The following MINDY4B variants were observed in gnomAD, a reference collection of about 807,000 sequenced individuals.
The protein encoded by MINDY4B is inactive ubiquitin carboxyl-terminal hydrolase MINDY-4B.
MINDY4B carries 25 observed loss-of-function variants against 16.7 expected under a neutral mutation model. The ratio of observed to expected loss-of-function variants is 1.49; its 90% CI spans 1.09 to 2.09. MINDY4B has a LOEUF of 2.09. MINDY4B is among the 30% of genes most tolerant of loss of function. The pLI, the probability that MINDY4B is intolerant of heterozygous loss-of-function variation, is 0.00. For missense variants in MINDY4B, 327 were observed against 168.4 expected (o/e 1.94, Z -5.21); for synonymous variants, 132 against 61.9 (o/e 2.13, Z -5.32).
chr3:150,875,820 G>C (rs1711496344), intron 10 of MINDY4B, among the ~76,000 whole-genome samples: 1 of 152,174 alleles, frequency 6.6e-6, no homozygotes, highest in Admixed American at 6.5e-5. Context: ...CGAGCCTTAA[G>C]ATTACAGTTG....
At chr3:150,902,659 C>G (rs1214964263) in intron 3 of MINDY4B, among the ~76,000 whole-genome samples, 1 of 152,222 alleles carries the variant, frequency 6.6e-6, no homozygotes, top group African/African-American at 2.4e-5. Flanking sequence ...CAGCCCCTTG[C>G]CCCCACCCTG....
chr3:150,894,680 T>G (rs1711913205), intron 3 of MINDY4B, among the ~76,000 whole-genome samples: 1 of 152,214 alleles, frequency 6.6e-6, no homozygotes, highest in South Asian at 2.1e-4. Flanking sequence ...ACAGTAGCGA[T>G]TTAAACAAGC....
intron 3 of MINDY4B, among the ~76,000 whole-genome samples, chr3:150,902,581 C>T (rs1210160674): frequency 6.6e-6 from 1 of 152,222 alleles, no homozygotes; most frequent in African/African-American, 2.4e-5. Context: ...CAAGGCACTA[C>T]CTCCAGCTTT....
chr3:150,883,112 CTTAA>C (rs1484115119), intron 9 of MINDY4B, 54 bp from the exon 10 acceptor site: 8 of 557,310 alleles, frequency 1.4e-5, no homozygotes, highest in Non-Finnish European at 2.6e-5. Flanking sequence ...GAAACAATAA[CTTAA>C]TTTTTTCTCT....
intron 2 of MINDY4B, 149 bp from the exon 3 acceptor site, chr3:150,903,565 T>A (rs1410924488): frequency 2.5e-6 from 1 of 395,686 alleles, no homozygotes; most frequent in African/African-American, 2.1e-5. Context: ...TAAATAGCAA[T>A]AAAAGAGGCA....
chr3:150,888,335 A>T (rs1375089495), intron 7 of MINDY4B, among the ~76,000 whole-genome samples: 1 of 152,138 alleles, frequency 6.6e-6, no homozygotes, highest in Non-Finnish European at 1.5e-5. Context: ...GTCTGGCCTC[A>T]TCTCAACTTG....
chr3:150,900,107 G>T (rs936091924), intron 3 of MINDY4B, among the ~76,000 whole-genome samples: 3 of 152,194 alleles, frequency 2.0e-5, no homozygotes, highest in African/African-American at 4.8e-5. Flanking sequence ...GCCTGGAGGC[G>T]ATGCTCACCT....
chr3:150,889,504 C>A (rs942148458), intron 7 of MINDY4B, among the ~76,000 whole-genome samples: 1 of 152,216 alleles, frequency 6.6e-6, no homozygotes, highest in African/African-American at 2.4e-5. Flanking sequence ...TGACTAACAA[C>A]CTTAATATCC....
chr3:150,897,599 G>A (rs900719830), intron 3 of MINDY4B, among the ~76,000 whole-genome samples: 2 of 152,130 alleles, frequency 1.3e-5, no homozygotes, highest in Non-Finnish European at 2.9e-5. Context: ...CGTGGGAGAA[G>A]CATGCATCTG....
chr3:150,901,988 C>T (rs572313578), intron 3 of MINDY4B, among the ~76,000 whole-genome samples: 3 of 152,164 alleles, frequency 2.0e-5, no homozygotes, highest in East Asian at 3.9e-4. Flanking sequence ...TGTCCTGTCT[C>T]GGGGAGCTTA....
At chr3:150,890,556 A>G (rs758319372) in intron 6 of MINDY4B, 171 bp from the exon 7 acceptor site, 18 of 490,058 alleles carry the variant, frequency 3.7e-5, no homozygotes, top group African/African-American at 7.7e-5. Context: ...AAACAGTGCA[A>G]CTGGGTAGCT....
At position 150,891,455 on chromosome 3, in the gene MINDY4B, G is replaced by A. The variant is rs560871937; in HGVS notation, c.522-352C>T. 7.0e-4 allele frequency among the ~76,000 whole-genome samples: 106 copies of A among 151,870 alleles called. No individual in the cohort carries two copies. In the South Asian group the frequency reaches 0.02, roughly 29 times the overall value. On this transcript the variant is annotated intron_variant, in intron 5 of 11. Coordinates refer to ENST00000465419, the MANE Select transcript of MINDY4B (RefSeq NM_001351281.2). ...ATTTATACAATCCGTCTAGCTCTGT[G>A]GTGATACAGAAATGAGTAACAAAAG... is the stretch of plus-strand genomic sequence containing the variant.
intron 10 of MINDY4B, among the ~76,000 whole-genome samples, chr3:150,882,024 G>T (rs970375285): frequency 6.6e-6 from 1 of 152,182 alleles, no homozygotes; most frequent in Non-Finnish European, 1.5e-5. Context: ...GCGAGGCCTT[G>T]TTTGCTGTTG....
chr3:150,901,100 G>A (rs766090117), intron 3 of MINDY4B: 4 of 152,160 alleles, frequency 2.6e-5, no homozygotes, highest in Non-Finnish European at 5.9e-5. Flanking sequence ...ATAAAAGGTA[G>A]CCTATTTTTC....
intron 5 of MINDY4B, among the ~76,000 whole-genome samples, chr3:150,891,420 C>T (rs964504435): frequency 6.6e-6 from 1 of 152,156 alleles, no homozygotes; most frequent in Non-Finnish European, 1.5e-5. Context: ...TATTAATTAA[C>T]TCAGCAATGA....
chr3:150,877,972 A>G (rs1191081900), intron 10 of MINDY4B, among the ~76,000 whole-genome samples: 3 of 152,168 alleles, frequency 2.0e-5, no homozygotes, highest in African/African-American at 4.8e-5. Flanking sequence ...TTGAATGTAG[A>G]TAGAACTCGG....
At chr3:150,881,647 GAGAA>G (rs1711523599) in intron 10 of MINDY4B, among the ~76,000 whole-genome samples, 1 of 145,684 alleles carries the variant, frequency 6.9e-6, no homozygotes, top group Non-Finnish European at 1.5e-5. Context: ...ACATTGATAT[GAGAA>G]AGAAAGAGTA....
chr3:150,874,866 C>T (rs1717055646), intron 10 of MINDY4B, among the ~76,000 whole-genome samples: 1 of 152,154 alleles, frequency 6.6e-6, no homozygotes, highest in African/African-American at 2.4e-5. Flanking sequence ...GTGGGTGAAT[C>T]AGAGATGCTT....
chr3:150,884,211 C>A (rs1559965718), intron 8 of MINDY4B, among the ~76,000 whole-genome samples: 1 of 152,194 alleles, frequency 6.6e-6, no homozygotes. Flanking sequence ...TTCTTGGCTG[C>A]AGAAGGGCAG....
Sources: gnomAD v4.1 joint callset for allele counts (sites outside exome capture counted in the v4.1 genomes callset) on GRCh38, gnomAD v4.1.1 for gene constraint, MANE v1.5 for transcripts, NCBI Gene and HGNC (gene_info 2026-07-23, HGNC 2026-07-21) for gene names.